Variants in SLIT2 observed in about 807,000 individuals in gnomAD.
SLIT2 encodes the protein slit homolog 2 protein.
Under a neutral mutation model 185.7 loss-of-function variants are expected in SLIT2, and 41 were observed. The ratio of observed to expected loss-of-function variants is 0.22; its 90% CI spans 0.17 to 0.29. SLIT2 has a LOEUF of 0.29. Ranked by LOEUF, SLIT2 falls within the 10% of genes least tolerant of loss-of-function variation. The pLI, the probability that SLIT2 is intolerant of heterozygous loss-of-function variation, is 1.00. For missense variants in SLIT2, 1,571 were observed against 1,909.0 expected, an observed-to-expected ratio of 0.82 and a Z score of 3.30; for synonymous variants, 693 against 680.2, an observed-to-expected ratio of 1.02 and a Z score of -0.29.
intron 26 of SLIT2, 150 bp from the exon 27 acceptor site, chr4:20,567,112 T>G: frequency 2.8e-6 from 2 of 716,096 alleles, no homozygotes. Context: ...CGGAGGATGC[T>G]GATTTCTGGC....
intron 4 of SLIT2, among the ~76,000 whole-genome samples, chr4:20,423,607 C>A (rs1016118812): frequency 6.6e-6 from 1 of 152,052 alleles, no homozygotes; most frequent in African/African-American, 2.4e-5. Context: ...AAGAGGTCTG[C>A]CTTTGATTCT....
At chr4:20,485,242 T>C (rs2148786831) in intron 6 of SLIT2, among the ~76,000 whole-genome samples, 1 of 152,294 alleles carries the variant, frequency 6.6e-6, no homozygotes, top group East Asian at 1.9e-4. Context: ...ATGTTAGCCT[T>C]ATTAGTTTTT....
In SLIT2 at chr4:20,440,835, G is replaced by C. The variant is rs140641992; in HGVS notation, c.396-26917G>C. Among the ~76,000 whole-genome samples the C allele has an allele frequency of 1.5e-3, 234 of 152,196 alleles. 2 individuals are homozygous for C. Among genetic ancestry groups the C allele is most frequent in the African/African-American group, 5.4e-3 (225 of 41,512 alleles). On this transcript the variant is annotated intron_variant, in intron 4 of 36. Transcript: ENST00000504154. ...TTAATTGTTCTTTTAACATTTGCGA[G>C]TGTGGTGGGCATAATTTTTAAGAGA...
intron 18 of SLIT2, among the ~76,000 whole-genome samples, 200 bp downstream of exon 18, chr4:20,533,915 T>G (rs1722035007): frequency 7.6e-6 from 1 of 131,584 alleles, no homozygotes; most frequent in South Asian, 2.8e-4. Flanking sequence ...ACCCCAATAT[T>G]CCTGCCTTCG....
intron 4 of SLIT2, among the ~76,000 whole-genome samples, chr4:20,458,088 CAAAA>C (rs10672353): frequency 2.1e-4 from 24 of 112,898 alleles, no homozygotes; most frequent in Non-Finnish European, 2.6e-4. Context: ...ACACATTATG[CAAAA>C]AAAAAAAAAA....
chr4:20,564,238 C>T (rs506358), intron 26 of SLIT2, among the ~76,000 whole-genome samples: 60,514 of 151,368 alleles, frequency 0.4, 13,425 homozygotes, highest in East Asian at 0.82. Context: ...TGAATGCAAA[C>T]AGAAGACAGA....
chr4:20,257,356 C>T lies in SLIT2; in HGVS notation c.252-512C>T, dbSNP rs955462430. Among the ~76,000 whole-genome samples, 4 of 152,138 alleles carry T rather than the reference C, an allele frequency of 2.6e-5. No homozygotes were observed. The East Asian group carries it at 7.7e-4, about 29-fold the overall frequency. On this transcript the variant is annotated intron_variant, in intron 2 of 36. Coordinates refer to ENST00000504154, the MANE Select transcript of SLIT2 (RefSeq NM_004787.4). ...AGTCAATGTAATGTTAAATTGTTCT[C>T]ACCCACAGGATTGTAAATATTGACA...
chr4:20,456,562 A>G (rs1304174556), intron 4 of SLIT2, among the ~76,000 whole-genome samples: 1 of 152,068 alleles, frequency 6.6e-6, no homozygotes, highest in Non-Finnish European at 1.5e-5. Flanking sequence ...CTCTTTACTC[A>G]CATATGCATG....
At chr4:20,499,370 G>A (rs550809638) in intron 9 of SLIT2, among the ~76,000 whole-genome samples, 7 of 152,042 alleles carry the variant, frequency 4.6e-5, no homozygotes, top group African/African-American at 9.6e-5. Flanking sequence ...TCCCATATAC[G>A]CTTAAACTTT....
intron 4 of SLIT2, among the ~76,000 whole-genome samples, chr4:20,295,350 C>G (rs559273704): frequency 2.0e-5 from 3 of 152,150 alleles, no homozygotes; most frequent in African/African-American, 7.2e-5. Context: ...AATTTGAAAA[C>G]CTTTGTTGGT....
At chr4:20,301,541 C>T (rs141106464) in intron 4 of SLIT2, among the ~76,000 whole-genome samples, 87 of 152,232 alleles carry the variant, frequency 5.7e-4, no homozygotes, top group African/African-American at 1.9e-3. Context: ...TTCAGACTCC[C>T]TACTTTTAAT....
In SLIT2 at chr4:20,620,162, A is replaced by G. The variant is rs1729974860; in HGVS notation, c.*1153A>G. 7.0e-6 allele frequency: 2 copies of G among 286,784 alleles called. No homozygotes were observed. The highest frequency in any genetic ancestry group is 5.0e-5 in the Admixed American group (1 of 20,010). 17.8% of individuals were successfully genotyped at this position (286,784 alleles called of 1,614,324 possible). A position where few individuals can be genotyped will look rare whatever the true frequency, so the allele number is the denominator to read the frequency against. On this transcript the variant is annotated 3_prime_UTR_variant, in exon 37 of 37. Transcript: ENST00000504154. ...CACAGAAACGAAATGGTGTGTAGCA[A>G]TCAACACTAGAAAGTAGACCTTTTG... is the stretch of plus-strand genomic sequence containing the variant.
chr4:20,472,446 C>CTATA (rs1326200726), intron 5 of SLIT2, among the ~76,000 whole-genome samples: 2 of 51,172 alleles, frequency 3.9e-5, no homozygotes, highest in Non-Finnish European at 7.0e-5. Context: ...AGATATATAT[C>CTATA]TATATAGATA....
chr4:20,568,315 C>T (rs1034473587), intron 28 of SLIT2, among the ~76,000 whole-genome samples: 4 of 152,016 alleles, frequency 2.6e-5, no homozygotes, highest in Admixed American at 6.6e-5. Context: ...TCGATACATA[C>T]TCAAGATAGT....
Position 20,619,073 on chromosome 4 carries a change from G to T in SLIT2, c.*64G>T. 6.8e-7 allele frequency: 1 copy of T among 1,476,462 alleles called. No homozygotes were observed. Among genetic ancestry groups the T allele is most frequent in the South Asian group, 1.3e-5 (1 of 79,386 alleles). 91.5% of individuals were successfully genotyped at this position (1,476,462 alleles called of 1,614,324 possible). ...TACTTCTTGACCGTGTGGGACTAAT[G>T]AATGCTTCATAGTGGAAATATTTGA... is the stretch of plus-strand genomic sequence containing the variant. On this transcript the variant is annotated 3_prime_UTR_variant, in exon 37 of 37. Coordinates refer to ENST00000504154, the MANE Select transcript of SLIT2 (RefSeq NM_004787.4).
At chr4:20,562,208 C>T (rs1445629133) in intron 26 of SLIT2, among the ~76,000 whole-genome samples, 1 of 151,864 alleles carries the variant, frequency 6.6e-6, no homozygotes, top group South Asian at 2.1e-4. Flanking sequence ...TTAGTGGCTT[C>T]TTTTTACTTA....
At chr4:20,462,874 C>A (rs1220961820) in intron 4 of SLIT2, among the ~76,000 whole-genome samples, 1 of 152,134 alleles carries the variant, frequency 6.6e-6, no homozygotes, top group Non-Finnish European at 1.5e-5. Flanking sequence ...CTACAATGAT[C>A]TTTGGGGAAT....
rs557365870 is a variant in SLIT2 at position 20,270,490 on chromosome 4, C to A, written c.395+1609C>A. On this transcript the variant is annotated intron_variant, in intron 4 of 36. Coordinates refer to ENST00000504154, the MANE Select transcript of SLIT2 (RefSeq NM_004787.4). The stretch of plus-strand genomic sequence containing the variant: ...TGCTGTATGAAAAAAGACTTGAAAT[C>A]TTTAAGTGAATTAAAGAAACAGAAT... Among the ~76,000 whole-genome samples, 63 of 152,040 alleles carry A rather than the reference C, an allele frequency of 4.1e-4. 1 individual carries two copies. In the South Asian group the frequency reaches 7.3e-3, roughly 18 times the overall value.
chr4:20,327,626 C>G (rs180805031), intron 4 of SLIT2, among the ~76,000 whole-genome samples: 2 of 151,880 alleles, frequency 1.3e-5, no homozygotes, highest in Non-Finnish European at 2.9e-5. Flanking sequence ...AATTTTATTT[C>G]ATTTCACTGG....
Sources: allele counts gnomAD v4.1 joint callset (sites outside exome capture counted in the v4.1 genomes callset), GRCh38; gene constraint gnomAD v4.1.1; transcripts MANE v1.5; gene names NCBI Gene and HGNC (gene_info 2026-07-23, HGNC 2026-07-21).